ABCA13: variants seen among roughly 807,000 people sequenced by gnomAD.
The protein encoded by ABCA13 is ATP binding cassette subfamily A member 13.
Under a neutral mutation model 478.7 loss-of-function variants are expected in ABCA13, and 476 were observed. The observed-to-expected ratio is 0.99, with a 90% CI of 0.92 to 1.07. The LOEUF is 1.07. ABCA13 is among the 50% of genes least tolerant of loss of function. The pLI, the probability that ABCA13 is intolerant of heterozygous loss-of-function variation, is 0.00. For synonymous variants in ABCA13, 2,252 were observed against 2,158.9 expected (o/e 1.04, Z -1.20); for missense variants, 6,060 against 5,910.6 (o/e 1.03, Z -0.83).
chr7:48,172,401 TTCTA>T (rs1794208279), intron 1 of ABCA13, among the ~76,000 whole-genome samples: 1 of 149,186 alleles, frequency 6.7e-6, no homozygotes, highest in African/African-American at 2.6e-5. Context: ...AGCCAGAATA[TTCTA>T]TCTCTCTGTC....
In ABCA13 at chr7:48,245,610, C is replaced by T; in HGVS notation, c.1489C>T (p.Gln497Ter). ...GGATGTGTTCTTTTGGGAGCTGAAA[C>T]AGGTAAAGCACAACAAATAATTATA... Reference protein sequence around the residue: ...EKDVFFWELKQMLAKNAVCPN... With the variant: ...EKDVFFWELK Residue 497 changes from glutamine to a stop codon, truncating the protein, a stop_gained and splice_region_variant, in exon 12 of 62, where the codon CAG becomes TAG. Transcript: ENST00000435803. LOFTEE classifies it high-confidence loss of function. The T allele has an allele frequency of 6.2e-7, 1 of 1,605,642 alleles. No homozygotes were observed. The highest frequency in any genetic ancestry group is 8.5e-7 in the Non-Finnish European group (1 of 1,177,122).
chr7:48,226,372 G>A (rs73694374), intron 5 of ABCA13, among the ~76,000 whole-genome samples: 4,472 of 152,238 alleles, frequency 0.029, 182 homozygotes, highest in African/African-American at 0.095. Flanking sequence ...ACCCTGCTGA[G>A]TTCTGAGACC....
chr7:48,553,018 T>G (rs1393384869), intron 55 of ABCA13, among the ~76,000 whole-genome samples: 4 of 147,110 alleles, frequency 2.7e-5, no homozygotes, highest in African/African-American at 9.7e-5. Context: ...TCTTTCTCCA[T>G]GAATTCAATT....
At chr7:48,362,409 C>CTTTTTTTTTTT (rs35795708) in intron 31 of ABCA13, among the ~76,000 whole-genome samples, 13 of 85,992 alleles carry the variant, frequency 1.5e-4, no homozygotes, top group African/African-American at 2.3e-4. Context: ...TCCTCTTCTT[C>CTTTTTTTTTTT]TTTTTTTTTT....
At chr7:48,208,730 T>A (rs1343213781) in intron 3 of ABCA13, among the ~76,000 whole-genome samples, 1 of 152,212 alleles carries the variant, frequency 6.6e-6, no homozygotes, top group Non-Finnish European at 1.5e-5. Context: ...TTTTTCTAAA[T>A]ATGAGATCAT....
At chr7:48,192,786 G>A (rs544062163) in intron 1 of ABCA13, among the ~76,000 whole-genome samples, 173 bp from the exon 2 acceptor site, 2 of 152,044 alleles carry the variant, frequency 1.3e-5, no homozygotes, top group Non-Finnish European at 2.9e-5. Flanking sequence ...AGATGACACC[G>A]TCACAGATCT....
intron 25 of ABCA13, 30 bp downstream of exon 25, chr7:48,313,261 A>G (rs762361620): frequency 6.3e-7 from 1 of 1,577,186 alleles, no homozygotes; most frequent in Non-Finnish European, 8.6e-7. Flanking sequence ...CCCTAGGGAA[A>G]TATTCAAATT....
Position 48,314,232 on chromosome 7 carries a change from G to T in ABCA13, c.9682G>T (p.Val3228Phe), listed in dbSNP as rs1439239189. 6 of 1,606,356 alleles carry T rather than the reference G, an allele frequency of 3.7e-6. No homozygotes were observed. Among genetic ancestry groups the T allele is most frequent in the Middle Eastern group, 3.3e-4 (2 of 6,044 alleles). The change falls in exon 26 of 62, where the codon GTT becomes TTT. Residue 3228 changes from valine (V) to phenylalanine (F), a missense_variant and splice_region_variant. Val to Phe is a conservative substitution (Grantham distance 50). Coordinates refer to ENST00000435803, the MANE Select transcript of ABCA13 (RefSeq NM_152701.5). ...CAATTTAGTTTTCTTATTTTCTCAG[G>T]TTTCACAAAATGTCCAGGCCAGAAG... ...ALLETLDFQQ[V>F]SQNVQARSSA...
chr7:48,287,160 G>T (rs1432434329), intron 19 of ABCA13, among the ~76,000 whole-genome samples: 1 of 152,226 alleles, frequency 6.6e-6, no homozygotes, highest in African/African-American at 2.4e-5. Context: ...GGAAGGGAGA[G>T]TGATGCCTTG....
intron 55 of ABCA13, among the ~76,000 whole-genome samples, chr7:48,552,907 A>G: frequency 6.6e-6 from 1 of 151,550 alleles, no homozygotes; most frequent in African/African-American, 2.4e-5. Context: ...ACTAGGTCTT[A>G]TTCATTCTTT....
chr7:48,285,784 A>T (rs1160558881), intron 19 of ABCA13, among the ~76,000 whole-genome samples: 1 of 152,218 alleles, frequency 6.6e-6, no homozygotes, highest in South Asian at 2.1e-4. Context: ...GTTTATGCTT[A>T]AAGATAAGTG....
At chr7:48,608,839 T>C (rs78247281) in intron 58 of ABCA13, among the ~76,000 whole-genome samples, 5,754 of 152,332 alleles carry the variant, frequency 0.038, 176 homozygotes, top group African/African-American at 0.088. Context: ...ATTTTCAGAA[T>C]TTTGAAATGG....
intron 47 of ABCA13, among the ~76,000 whole-genome samples, chr7:48,486,847 A>G (rs910500165): frequency 2.6e-5 from 4 of 152,186 alleles, no homozygotes; most frequent in African/African-American, 9.7e-5. Context: ...TAGCAGAGGC[A>G]TAAGGGAGAC....
At chr7:48,200,122 T>C (rs1448836744) in intron 3 of ABCA13, among the ~76,000 whole-genome samples, 1 of 152,168 alleles carries the variant, frequency 6.6e-6, no homozygotes, top group East Asian at 1.9e-4. Flanking sequence ...TCCAGCACTT[T>C]GGGAGGCCGA....
intron 31 of ABCA13, among the ~76,000 whole-genome samples, chr7:48,363,894 A>T (rs1811269770): frequency 6.6e-6 from 1 of 152,150 alleles, no homozygotes; most frequent in African/African-American, 2.4e-5. Flanking sequence ...AAATATATTT[A>T]AATTGTTGAC....
chr7:48,426,846 T>A (rs953833399), intron 41 of ABCA13, among the ~76,000 whole-genome samples: 1 of 152,196 alleles, frequency 6.6e-6, no homozygotes, highest in Non-Finnish European at 1.5e-5. Context: ...ACAGCCATCA[T>A]CTACTGAACT....
At chr7:48,453,085 A>G (rs1398259677) in intron 42 of ABCA13, among the ~76,000 whole-genome samples, 3 of 152,220 alleles carry the variant, frequency 2.0e-5, no homozygotes, top group Non-Finnish European at 4.4e-5. Flanking sequence ...ATCTGTCTAT[A>G]TGCTGACTTA....
At chr7:48,314,503 G>C in intron 26 of ABCA13, 94 bp downstream of exon 26, 2 of 1,179,382 alleles carry the variant, frequency 1.7e-6, no homozygotes, top group South Asian at 3.4e-5. Context: ...CTGTGTATAA[G>C]GTTGCTATAT....
Position 48,219,523 on chromosome 7 carries a change from A to G in ABCA13, c.439+18A>G. The G allele has an allele frequency of 6.3e-7, 1 of 1,599,024 alleles. No homozygotes were observed. Among genetic ancestry groups the G allele is most frequent in the South Asian group, 1.1e-5 (1 of 87,376 alleles). On this transcript the variant is annotated intron_variant, in intron 4 of 61. Coordinates refer to ENST00000435803, the MANE Select transcript of ABCA13 (RefSeq NM_152701.5). ...CACTCCAGGCAAGTAAACCTCTCATAACTGTGACACTACCTACCTGGACAT... is the reference window on the plus strand; with the variant it reads ...CACTCCAGGCAAGTAAACCTCTCATGACTGTGACACTACCTACCTGGACAT...
Sources: allele counts gnomAD v4.1 joint callset (sites outside exome capture counted in the v4.1 genomes callset), GRCh38; gene constraint gnomAD v4.1.1; transcripts MANE v1.5; gene names NCBI Gene and HGNC (gene_info 2026-07-23, HGNC 2026-07-21).